PHC2: variants seen among roughly 807,000 people sequenced by gnomAD.
PHC2 encodes the protein polyhomeotic-like protein 2.
A neutral mutation model predicts 87.4 loss-of-function variants in PHC2; 29 were observed. That is an observed-to-expected ratio of 0.33 (90% CI 0.25 to 0.45). The LOEUF (loss-of-function observed/expected upper bound fraction) is 0.45, where lower values mean the gene tolerates loss of function less well. PHC2 is among the 20% of genes least tolerant of loss of function. The probability of loss-of-function intolerance (pLI) is 1.00; values close to 1 mark genes in which losing one functional copy is unlikely to be tolerated. For synonymous variants in PHC2, 438 were observed against 461.7 expected (o/e 0.95, Z 0.66); for missense variants, 857 against 1,136.7 (o/e 0.75, Z 3.54).
chr1:33,349,000 C>T (rs1646900938), intron 9 of PHC2: 3 of 899,996 alleles, frequency 3.3e-6, no homozygotes, highest in African/African-American at 3.6e-5. Flanking sequence ...AGTTTAAATA[C>T]AGAATCTCAC....
intron 1 of PHC2, among the ~76,000 whole-genome samples, chr1:33,425,737 GCC>G (rs1650642319): frequency 6.6e-6 from 1 of 152,214 alleles, no homozygotes; most frequent in East Asian, 1.9e-4. Flanking sequence ...TGGAGACCAT[GCC>G]ACAGCATAAC....
At chr1:33,353,349 G>A (rs968248435) in intron 9 of PHC2, 1 of 152,286 alleles carries the variant, frequency 6.6e-6, no homozygotes, top group Non-Finnish European at 1.5e-5. Context: ...AATTCCAAGA[G>A]AGCAGGTTTT....
chr1:33,324,580 A>G lies in PHC2; in HGVS notation c.*285T>C, dbSNP rs567653185. The G allele has an allele frequency of 2.0e-5, 6 of 294,260 alleles. No individual in the cohort carries two copies. The highest frequency in any genetic ancestry group is 1.1e-4 in the African/African-American group (5 of 46,390). The allele number at this position is 294,260 out of a possible 1,614,324, so 18.2% of individuals were successfully genotyped here. A position where few individuals can be genotyped will look rare whatever the true frequency, so the allele number is the denominator to read the frequency against. ...GAAAATGGGGGACAGAAAGAGGGGA[A>G]GAGAGCGGGGCTAGAGTATTGGGAC... On this transcript the variant is annotated 3_prime_UTR_variant, in exon 15 of 15. Transcript: ENST00000683057.
At chr1:33,350,530 G>T (rs1646951358) in intron 9 of PHC2, 1 of 152,356 alleles carries the variant, frequency 6.6e-6, no homozygotes, top group Admixed American at 6.5e-5. Context: ...ACGCGCGCGA[G>T]GGGCTGCGGG....
intron 1 of PHC2, among the ~76,000 whole-genome samples, chr1:33,394,796 C>G (rs781208745): frequency 6.6e-6 from 1 of 152,180 alleles, no homozygotes; most frequent in African/African-American, 2.4e-5. Flanking sequence ...TCTCGAACTA[C>G]TGGGTTCAAG....
chr1:33,356,078 G>T (rs910122576), intron 7 of PHC2, among the ~76,000 whole-genome samples: 12 of 151,710 alleles, frequency 7.9e-5, no homozygotes, highest in African/African-American at 2.7e-4. Context: ...AGTTGTAATT[G>T]TTTCTTATCT....
At chr1:33,400,200 T>C (rs1331322834) in intron 1 of PHC2, among the ~76,000 whole-genome samples, 1 of 152,230 alleles carries the variant, frequency 6.6e-6, no homozygotes, top group African/African-American at 2.4e-5. Context: ...GAATATAATT[T>C]GGAATATCTG....
At position 33,364,384 on chromosome 1, in the gene PHC2, T is replaced by A. The variant is rs1395374816; in HGVS notation, c.976+2732A>T. The stretch of plus-strand genomic sequence containing the variant: ...GACACACACACACACACACACACAC[T>A]TGCTTTCACACACACACACACACAC... On this transcript the variant is annotated intron_variant, in intron 7 of 14. Coordinates refer to ENST00000683057, the MANE Select transcript of PHC2 (RefSeq NM_001385109.1). The surrounding 1 kb of genome is among the most constrained non-coding windows in gnomAD (Gnocchi z 4.1). Among the ~76,000 whole-genome samples, 1 of 125,484 alleles carries A rather than the reference T, an allele frequency of 8.0e-6. No individual in the cohort carries two copies. The highest frequency in any genetic ancestry group is 1.6e-5 in the Non-Finnish European group (1 of 61,788). 82.3% of individuals were successfully genotyped at this position (125,484 alleles called of 152,430 possible). A position where few individuals can be genotyped will look rare whatever the true frequency, so the allele number is the denominator to read the frequency against.
chr1:33,359,736 G>A (rs578260242), intron 7 of PHC2, among the ~76,000 whole-genome samples: 1 of 152,326 alleles, frequency 6.6e-6, no homozygotes, highest in Non-Finnish European at 1.5e-5. Context: ...GAGCAGAGAA[G>A]GTTTCCCAGA....
intron 9 of PHC2, among the ~76,000 whole-genome samples, chr1:33,340,743 AG>A (rs1414634456): frequency 1.3e-5 from 2 of 152,108 alleles, no homozygotes; most frequent in Admixed American, 1.3e-4. Context: ...GGGAGGAGGG[AG>A]GGGAACAGGC....
chr1:33,379,537 T>C (rs999646514), intron 1 of PHC2, among the ~76,000 whole-genome samples: 3 of 116,652 alleles, frequency 2.6e-5, no homozygotes, highest in Admixed American at 8.9e-5. Context: ...GTGTCAGTAG[T>C]TTTTGATTCC....
chr1:33,348,261 T>TG (rs1646882958), intron 9 of PHC2, among the ~76,000 whole-genome samples: 2 of 151,388 alleles, frequency 1.3e-5, no homozygotes, highest in Non-Finnish European at 2.9e-5. Flanking sequence ...ACAGGTCTGT[T>TG]GCCCTGTACC....
chr1:33,358,373 T>C lies in PHC2; in HGVS notation c.977-3120A>G, dbSNP rs147514673. On this transcript the variant is annotated intron_variant, in intron 7 of 14. Coordinates refer to ENST00000683057, the MANE Select transcript of PHC2 (RefSeq NM_001385109.1). ...AAACGAGGCTACTATACACCAAGGC[T>C]GGAAATCAAGCTCATAAGGCTTGAA... Among the ~76,000 whole-genome samples, 12 of 152,248 alleles carry C rather than the reference T, an allele frequency of 7.9e-5. No homozygotes were observed. The East Asian group carries it at 2.3e-3, about 29-fold the overall frequency.
At position 33,347,214 on chromosome 1, in the gene PHC2, C is replaced by T. The variant is rs373814235; in HGVS notation, c.1558+7187G>A. The T allele has an allele frequency of 2.7e-4, 262 of 985,344 alleles. 1 individual carries two copies. Among genetic ancestry groups the T allele is most frequent in the East Asian group, 9.1e-4 (8 of 8,806 alleles). 61.0% of individuals were successfully genotyped at this position (985,344 alleles called of 1,614,324 possible). Reference sequence around the variant, plus strand: ...AGGAAGAGAAATCTCAGGGTCAGTCCGCTTAGACTAGAAAGTCAATGACAG... The same window carrying T: ...AGGAAGAGAAATCTCAGGGTCAGTCTGCTTAGACTAGAAAGTCAATGACAG... On this transcript the variant is annotated intron_variant, in intron 9 of 14. Transcript: ENST00000683057.
chr1:33,421,482 A>G (rs1650433022), intron 1 of PHC2, among the ~76,000 whole-genome samples: 1 of 152,232 alleles, frequency 6.6e-6, no homozygotes, highest in Non-Finnish European at 1.5e-5. Flanking sequence ...GCACTCTGGA[A>G]ATATGAAGGC....
At chr1:33,376,937 A>C (rs976585010) in intron 1 of PHC2, among the ~76,000 whole-genome samples, 1 of 152,106 alleles carries the variant, frequency 6.6e-6, no homozygotes, top group Non-Finnish European at 1.5e-5. Context: ...AAATAAACTG[A>C]GGTGTTTATT....
Position 33,349,852 on chromosome 1 carries a change from G to A in PHC2, c.1558+4549C>T. 8 of 977,410 alleles carry A rather than the reference G, an allele frequency of 8.2e-6. No individual in the cohort carries two copies. Among genetic ancestry groups the A allele is most frequent in the Non-Finnish European group, 9.7e-6 (8 of 825,866 alleles). The allele number at this position is 977,410 out of a possible 1,614,324, so 60.5% of individuals were successfully genotyped here. A position where few individuals can be genotyped will look rare whatever the true frequency, so the allele number is the denominator to read the frequency against. On this transcript the variant is annotated intron_variant, in intron 9 of 14. Transcript: ENST00000683057. This position sits in a 1 kb window ranked among gnomAD's most constrained non-coding sequence, Gnocchi z 4.2. ...GCGGGCGGCGGCCGGGGTTGCGCGCGCGCGCGCGGCGGGCGCTCGAGGGCT... is the reference window on the plus strand; with the variant it reads ...GCGGGCGGCGGCCGGGGTTGCGCGCACGCGCGCGGCGGGCGCTCGAGGGCT...
intron 1 of PHC2, among the ~76,000 whole-genome samples, chr1:33,407,015 T>G (rs1028865499): frequency 6.6e-6 from 1 of 152,244 alleles, no homozygotes; most frequent in Non-Finnish European, 1.5e-5. Context: ...CAGACTCATC[T>G]TTCAGTTCTG....
chr1:33,410,242 A>G (rs1649927716), intron 1 of PHC2, among the ~76,000 whole-genome samples: 1 of 152,306 alleles, frequency 6.6e-6, no homozygotes, highest in South Asian at 2.1e-4. Context: ...TCTGGTTGGC[A>G]TGATCCATCA....
Sources: gnomAD v4.1 joint callset for allele counts (sites outside exome capture counted in the v4.1 genomes callset) on GRCh38, gnomAD v4.1.1 for gene constraint, Gnocchi (gnomAD v3.1) non-coding constraint, MANE v1.5 for transcripts, NCBI Gene and HGNC (gene_info 2026-07-23, HGNC 2026-07-21) for gene names.